The following MYH3 variants were observed in gnomAD, a reference collection of about 807,000 sequenced individuals.
MYH3 encodes myosin heavy chain 3, also known as myosin-3.
Under a neutral mutation model 238.0 loss-of-function variants are expected in MYH3, and 130 were observed. The ratio of observed to expected loss-of-function variants is 0.55; its 90% CI spans 0.47 to 0.63. The LOEUF is 0.63. Among genes scored for constraint, MYH3 ranks in the 30% least tolerant of loss-of-function variants. MYH3 has a pLI of 0.00. For synonymous variants in MYH3, 880 were observed against 924.1 expected (o/e 0.95, Z 0.86); for missense variants, 1,853 against 2,374.9 (o/e 0.78, Z 4.57).
At chr17:10,653,447 G>A (rs973967305) in intron 3 of MYH3, among the ~76,000 whole-genome samples, 19 of 152,204 alleles carry the variant, frequency 1.2e-4, no homozygotes, top group African/African-American at 4.1e-4. Flanking sequence ...GCCCCAGCAT[G>A]CTCAGGAAAG....
At chr17:10,634,590 T>C (rs566759127) in intron 31 of MYH3, among the ~76,000 whole-genome samples, 1 of 152,318 alleles carries the variant, frequency 6.6e-6, no homozygotes, top group Admixed American at 6.5e-5. Context: ...GAAAAATGCT[T>C]AGGACTGCAC....
chr17:10,644,791 T>C lies in MYH3; in HGVS notation c.1142-89A>G, dbSNP rs2074304996. The C allele has an allele frequency of 3.9e-6, 4 of 1,030,554 alleles. No individual in the cohort carries two copies. The Admixed American group carries it at 5.5e-5, about 14-fold the overall frequency. 63.8% of individuals were successfully genotyped at this position (1,030,554 alleles called of 1,614,324 possible). A position where few individuals can be genotyped will look rare whatever the true frequency, so the allele number is the denominator to read the frequency against. On this transcript the variant is annotated intron_variant, in intron 12 of 40. Transcript: ENST00000583535. ...GTTTCAAAGGTTGGTTAAGTTCATC[T>C]TGGTACATTGTGCATTCCCTGTGGC...
rs556208845 is a variant in MYH3, at chr17:10,638,933, G to A, written c.3279C>T (p.Ser1093=). The A allele has an allele frequency of 7.3e-5, 118 of 1,614,162 alleles. 1 individual carries two copies. The South Asian group carries it at 1.3e-3, about 18-fold the overall frequency. The part of the protein sequence containing the change: ...KKDFEYCQLQ[S]KVEDEQTLGL... ...CCAGTGTCTGCTCATCTTCCACTTT[G>A]CTTTGAAGTTGACAATATTCAAAAT... The change falls in exon 26 of 41, where the codon AGC becomes AGT. Residue 1093 remains serine (S), a synonymous_variant. Coordinates refer to ENST00000583535, the MANE Select transcript of MYH3 (RefSeq NM_002470.4).
chr17:10,633,919 G>A (rs1307745492), intron 32 of MYH3, 98 bp downstream of exon 32: 1 of 1,516,844 alleles, frequency 6.6e-7, no homozygotes, highest in Non-Finnish European at 9.1e-7. Flanking sequence ...ACACACATGT[G>A]TGCAGGAAAC....
Position 10,631,538 on chromosome 17 carries a change from T to C in MYH3, c.5286+73A>G, listed in dbSNP as rs112619212. ...AGGTGTGGCTGGGGGAGACCGCACC[T>C]GTCTAACTATGTGAGGGCTTTAATG... is the stretch of plus-strand genomic sequence containing the variant. On this transcript the variant is annotated intron_variant, in intron 36 of 40. Transcript: ENST00000583535. The C allele has an allele frequency of 3.4e-4, 547 of 1,610,480 alleles. 4 individuals carry two copies. In the African/African-American group the frequency reaches 6.2e-3, roughly 18 times the overall value.
rs76776096 is a variant in MYH3, at chr17:10,630,722, A to G, written c.5287-264T>C. ...AAAAATTAGCTGGGCGTGGTGGCAGATGCCCGTATTCCCAGCTACTCCGGA... is the reference window on the plus strand; with the variant it reads ...AAAAATTAGCTGGGCGTGGTGGCAGGTGCCCGTATTCCCAGCTACTCCGGA... On this transcript the variant is annotated intron_variant, in intron 36 of 40. Coordinates refer to ENST00000583535, the MANE Select transcript of MYH3 (RefSeq NM_002470.4). 0.02 allele frequency among the ~76,000 whole-genome samples: 3,038 copies of G among 152,272 alleles called. 95 individuals carry two copies. The highest frequency in any genetic ancestry group is 0.068 in the African/African-American group (2,823 of 41,550).
intron 14 of MYH3, among the ~76,000 whole-genome samples, 186 bp downstream of exon 14, chr17:10,644,165 A>C (rs1410101569): frequency 2.0e-5 from 3 of 148,482 alleles, no homozygotes; most frequent in South Asian, 2.1e-4. Flanking sequence ...TCAAAAAAAA[A>C]AAACAAACAA....
upstream of MYH3, among the ~76,000 whole-genome samples, chr17:10,660,710 G>A (rs1351506015): frequency 6.6e-6 from 1 of 150,794 alleles, no homozygotes; most frequent in Admixed American, 6.6e-5. Flanking sequence ...GCCGGGCATG[G>A]TGGCTCATGC....
At chr17:10,629,510 CTAAAG>C in intron 40 of MYH3, 82 bp downstream of exon 40, 1 of 1,567,226 alleles carries the variant, frequency 6.4e-7, no homozygotes, top group Non-Finnish European at 8.7e-7. Context: ...CTCCCCAGCT[CTAAAG>C]TAAAGGGTTC....
chr17:10,637,652 A>C (rs971954865), intron 28 of MYH3, among the ~76,000 whole-genome samples, 157 bp downstream of exon 28: 1 of 152,082 alleles, frequency 6.6e-6, no homozygotes, highest in Non-Finnish European at 1.5e-5. Flanking sequence ...GGCTATTTCA[A>C]ATGGCTCTTT....
In MYH3 at chr17:10,648,592, C is replaced by T. The variant is rs121913623; in HGVS notation, c.700G>A (p.Ala234Thr). ...ANPLLEAFGN[A>T]KTVRNDNSSR... ...GAGTTGTCATTCCTCACAGTCTTGG[C>T]GTTCCCAAAGGCCTCCAGCAGGGGA... The change falls in exon 8 of 41, where the codon GCC becomes ACC. Residue 234 changes from alanine (A) to threonine (T), a missense_variant. Around this residue, in one of 3 missense-constraint regions of MYH3, gnomAD observed 678 missense variants for 1,058.9 expected, o/e 0.64. Coordinates refer to ENST00000583535, the MANE Select transcript of MYH3 (RefSeq NM_002470.4). 1.2e-6 allele frequency: 2 copies of T among 1,613,930 alleles called. No homozygotes were observed. Among genetic ancestry groups the T allele is most frequent in the Non-Finnish European group, 1.7e-6 (2 of 1,179,964 alleles).
At chr17:10,664,041 T>G in the MYH3 span, among the ~76,000 whole-genome samples, 2 of 126,090 alleles carry the variant, frequency 1.6e-5, no homozygotes. Context: ...CCAGCCTGGG[T>G]GACAGAGTGA....
At chr17:10,651,202 A>G (rs202020421) in intron 5 of MYH3, among the ~76,000 whole-genome samples, 3 of 150,670 alleles carry the variant, frequency 2.0e-5, no homozygotes, top group Non-Finnish European at 3.0e-5. Flanking sequence ...AAAAAAAAAA[A>G]CCAGCCAGTG....
chr17:10,637,497 T>C (rs1352087741), intron 28 of MYH3, among the ~76,000 whole-genome samples: 2 of 152,208 alleles, frequency 1.3e-5, no homozygotes, highest in African/African-American at 2.4e-5. Context: ...TCTAGTCTCA[T>C]TTCTGCCCAT....
In MYH3 at chr17:10,640,653, C is replaced by G. The variant is rs1271990522; in HGVS notation, c.2199G>C (p.Glu733Asp). Reference sequence around the variant, plus strand: ...CTTTCTTGCTGTCAATGAATTGTCCCTCAGGGATTGCACTGGCATTCAGCA... The same window carrying G: ...CTTTCTTGCTGTCAATGAATTGTCCGTCAGGGATTGCACTGGCATTCAGCA... ...YRVLNASAIP[E>D]GQFIDSKKAC... Residue 733 changes from glutamate (E) to aspartate (D), a missense_variant, in exon 20 of 41, where the codon GAG becomes GAC. Around this residue, in one of 3 missense-constraint regions of MYH3, gnomAD observed 678 missense variants for 1,058.9 expected, o/e 0.64. Coordinates refer to ENST00000583535, the MANE Select transcript of MYH3 (RefSeq NM_002470.4). 5.0e-6 allele frequency: 8 copies of G among 1,614,052 alleles called. No individual in the cohort carries two copies. The East Asian group carries it at 1.6e-4, about 31-fold the overall frequency.
At position 10,648,603 on chromosome 17, in the gene MYH3, G is replaced by T; in HGVS notation, c.689C>A (p.Ala230Asp). The T allele has an allele frequency of 6.2e-7, 1 of 1,614,066 alleles. No homozygotes were observed. The highest frequency in any genetic ancestry group is 2.2e-5 in the East Asian group (1 of 44,864). Residue 230 changes from alanine to aspartate, a missense_variant, in exon 8 of 41, where the codon GCC (alanine) becomes GAC (aspartate). Transcript: ENST00000583535. Reference sequence around the variant, plus strand: ...CCTCACAGTCTTGGCGTTCCCAAAGGCCTCCAGCAGGGGATTGGCACTGAT... The same window carrying T: ...CCTCACAGTCTTGGCGTTCCCAAAGTCCTCCAGCAGGGGATTGGCACTGAT... ...QIISANPLLEAFGNAKTVRND... is the reference protein window; with the variant it reads ...QIISANPLLEDFGNAKTVRND...
chr17:10,642,710 A>G lies in MYH3; in HGVS notation c.1595T>C (p.Phe532Ser), dbSNP rs1472516877. ...IELIEKPMGI[F>S]SILEEECMFP... is the part of the protein sequence containing the mutation. Reference sequence around the variant, plus strand: ...CATGCACTCCTCTTCCAGGATGGAGAAGATGCCCATAGGCTGGATTGAAGG... The same window carrying G: ...CATGCACTCCTCTTCCAGGATGGAGGAGATGCCCATAGGCTGGATTGAAGG... The change falls in exon 16 of 41, where the codon TTC becomes TCC. Residue 532 changes from phenylalanine (F) to serine (S), a missense_variant. Physicochemically the swap from Phe to Ser is radical, Grantham distance 155. This residue lies in a region of MYH3 where 678 missense variants were observed against 1,058.9 expected (regional missense o/e 0.64). Transcript: ENST00000583535. This position sits in a 1 kb window ranked among gnomAD's most constrained non-coding sequence, Gnocchi z 5.4. The G allele has an allele frequency of 6.2e-7, 1 of 1,614,036 alleles. No individual in the cohort carries two copies.
the MYH3 span, among the ~76,000 whole-genome samples, chr17:10,666,397 G>C: frequency 6.9e-6 from 1 of 143,938 alleles, no homozygotes; most frequent in Non-Finnish European, 1.5e-5. Context: ...GTGGGCAACA[G>C]AGTGAGACCT....
chr17:10,660,252 T>C (rs185693834), upstream of MYH3, among the ~76,000 whole-genome samples: 239 of 152,360 alleles, frequency 1.6e-3, 1 homozygote, highest in African/African-American at 4.8e-3. Flanking sequence ...TTGCCAGGTG[T>C]AAGTTTTCTT....
Sources: gnomAD v4.1 joint callset for allele counts (sites outside exome capture counted in the v4.1 genomes callset) on GRCh38, gnomAD v4.1.1 for gene constraint, gnomAD v4.1.1 regional missense constraint, Gnocchi (gnomAD v3.1) non-coding constraint, MANE v1.5 for transcripts, NCBI Gene and HGNC (gene_info 2026-07-23, HGNC 2026-07-21) for gene names.